Variants in PRDM11 observed in about 807,000 individuals in gnomAD.
PRDM11 encodes PR/SET domain 11.
In PRDM11, 20 loss-of-function variants were observed where a neutral mutation model predicts 97.8. The observed-to-expected ratio is 0.20, with a 90% CI of 0.14 to 0.30. PRDM11 has a LOEUF of 0.30. Among genes scored for constraint, PRDM11 ranks in the 10% least tolerant of loss-of-function variants. PRDM11 has a pLI of 1.00. For missense variants in PRDM11, 1,139 were observed against 1,555.2 expected (o/e 0.73, Z 4.50); for synonymous variants, 599 against 637.7 (o/e 0.94, Z 0.91).
chr11:45,182,366 G>C lies in PRDM11; in HGVS notation c.223+17G>C, dbSNP rs746662078. ...ACTTCTGGTGTAAGTGGAGCTTGGG[G>C]CTCTGGGCTGCTCCTCCCTTCACCC... On this transcript the variant is annotated intron_variant, in intron 3 of 7. Coordinates refer to ENST00000683152, the MANE Select transcript of PRDM11 (RefSeq NM_001384648.1). The C allele has an allele frequency of 5.6e-6, 9 of 1,601,438 alleles. No individual in the cohort carries two copies. Among genetic ancestry groups the C allele is most frequent in the African/African-American group, 1.3e-5 (1 of 74,732 alleles).
At chr11:45,201,953 T>C (rs113932037) in intron 4 of PRDM11, among the ~76,000 whole-genome samples, 5,094 of 151,720 alleles carry the variant, frequency 0.034, 277 homozygotes, top group African/African-American at 0.12. Flanking sequence ...GCCTGGGTGA[T>C]GGAGCGAGAC....
intron 1 of PRDM11, among the ~76,000 whole-genome samples, chr11:45,128,682 A>C (rs182157401): frequency 2.0e-4 from 31 of 152,360 alleles, no homozygotes; most frequent in Admixed American, 4.6e-4. Context: ...CCTACAAAGA[A>C]GCTTCCAGGG....
At chr11:45,203,515 C>T (rs1853402607) in intron 4 of PRDM11, among the ~76,000 whole-genome samples, 3 of 150,462 alleles carry the variant, frequency 2.0e-5, no homozygotes, top group Admixed American at 2.0e-4. Context: ...AATTAGTGGA[C>T]TGGAAGAGAG....
intron 1 of PRDM11, among the ~76,000 whole-genome samples, chr11:45,101,569 AGAAGAAGAAG>A (rs1565220003): frequency 8.4e-6 from 1 of 118,712 alleles, no homozygotes; most frequent in African/African-American, 3.7e-5. Flanking sequence ...AAAAAAAAAA[AGAAGAAGAAG>A]AAGAAGAAGA....
chr11:45,116,302 C>T (rs1048380579), intron 1 of PRDM11, among the ~76,000 whole-genome samples: 4 of 152,230 alleles, frequency 2.6e-5, no homozygotes, highest in South Asian at 4.1e-4. Context: ...GATTTAACAC[C>T]ATTTATAGAA....
At chr11:45,159,250 C>T (rs777622334) in intron 1 of PRDM11, among the ~76,000 whole-genome samples, 16 of 152,248 alleles carry the variant, frequency 1.1e-4, no homozygotes, top group Non-Finnish European at 1.3e-4. Flanking sequence ...GAGAACCCTC[C>T]GCCTGCTGCC....
chr11:45,108,562 T>C (rs1852106669), intron 1 of PRDM11, among the ~76,000 whole-genome samples: 1 of 152,226 alleles, frequency 6.6e-6, no homozygotes, highest in Non-Finnish European at 1.5e-5. Context: ...CAGCCTGGGC[T>C]CTGGCTCCTG....
upstream of PRDM11, among the ~76,000 whole-genome samples, chr11:45,145,894 C>G (rs1398452217): frequency 1.3e-5 from 2 of 152,188 alleles, no homozygotes; most frequent in African/African-American, 4.8e-5. Context: ...TCTTCACCCC[C>G]TCTCTGTGAT....
chr11:45,115,132 G>A (rs1008215444), intron 1 of PRDM11, among the ~76,000 whole-genome samples: 1 of 144,978 alleles, frequency 6.9e-6, no homozygotes, highest in Non-Finnish European at 1.5e-5. Context: ...AGCTCATAAT[G>A]TATATAGCAT....
At chr11:45,144,777 T>A (rs865806245), upstream of PRDM11, among the ~76,000 whole-genome samples, 5 of 152,222 alleles carry the variant, frequency 3.3e-5, no homozygotes, top group South Asian at 2.1e-4. Flanking sequence ...ACTTCCTTGG[T>A]GAATCTTTCT....
intron 4 of PRDM11, among the ~76,000 whole-genome samples, chr11:45,193,606 T>A (rs1160261528): frequency 2.6e-5 from 4 of 152,238 alleles, no homozygotes; most frequent in Non-Finnish European, 5.9e-5. Flanking sequence ...AATTTTCACA[T>A]CATGAAATAT....
At position 45,223,936 on chromosome 11, in the gene PRDM11, C is replaced by A. The variant is rs183197567; in HGVS notation, c.743-281C>A. 1.3e-3 allele frequency among the ~76,000 whole-genome samples: 199 copies of A among 152,292 alleles called. 1 individual carries two copies. The highest frequency in any genetic ancestry group is 2.3e-3 in the Non-Finnish European group (155 of 68,026). The stretch of plus-strand genomic sequence containing the variant: ...ATAGGAAAGAATGTTCAATTACTCT[C>A]CCTTATAGATTTCTCTTAACTTATA... On this transcript the variant is annotated intron_variant, in intron 6 of 7. Transcript: ENST00000683152.
intron 1 of PRDM11, among the ~76,000 whole-genome samples, chr11:45,160,868 C>T (rs1851910370): frequency 6.6e-6 from 1 of 152,214 alleles, no homozygotes; most frequent in Non-Finnish European, 1.5e-5. Context: ...AGTCAGCTCT[C>T]CTGGCCCCTG....
chr11:45,171,856 G>T (rs1852209172), intron 1 of PRDM11, among the ~76,000 whole-genome samples: 1 of 152,182 alleles, frequency 6.6e-6, no homozygotes, highest in South Asian at 2.1e-4. Flanking sequence ...CTCTGAGATG[G>T]TTCCCAACAC....
At chr11:45,204,261 T>C (rs1853430002) in intron 4 of PRDM11, among the ~76,000 whole-genome samples, 1 of 152,150 alleles carries the variant, frequency 6.6e-6, no homozygotes, top group Non-Finnish European at 1.5e-5. Flanking sequence ...AGGAACCCTC[T>C]CAAATCACAT....
At chr11:45,103,468 C>A (rs1466510907) in intron 1 of PRDM11, among the ~76,000 whole-genome samples, 2 of 152,080 alleles carry the variant, frequency 1.3e-5, no homozygotes, top group East Asian at 1.9e-4. Context: ...TAGGCCCTAC[C>A]GTTTTGCAGC....
At chr11:45,215,421 C>A (rs1163211972) in intron 5 of PRDM11, among the ~76,000 whole-genome samples, 1 of 152,214 alleles carries the variant, frequency 6.6e-6, no homozygotes, top group Non-Finnish European at 1.5e-5. Flanking sequence ...GAGGACTACC[C>A]AATTTCCGAG....
intron 5 of PRDM11, chr11:45,215,686 C>G (rs993208689): frequency 2.0e-5 from 3 of 152,216 alleles, no homozygotes; most frequent in African/African-American, 7.2e-5. Context: ...GAAGAGGAAA[C>G]TTGGGTGAGA....
intron 1 of PRDM11, among the ~76,000 whole-genome samples, chr11:45,175,235 T>C (rs1399194127): frequency 6.6e-6 from 1 of 152,218 alleles, no homozygotes; most frequent in Non-Finnish European, 1.5e-5. Context: ...GTGCCTTCCA[T>C]TGTAGTATCA....
Sources: gnomAD v4.1 joint callset for allele counts (sites outside exome capture counted in the v4.1 genomes callset) on GRCh38, gnomAD v4.1.1 for gene constraint, MANE v1.5 for transcripts, NCBI Gene and HGNC (gene_info 2026-07-23, HGNC 2026-07-21) for gene names.